The following SOS2 variants were observed in gnomAD, a reference collection of about 807,000 sequenced individuals.
SOS2 encodes the protein SOS Ras/Rho guanine nucleotide exchange factor 2.
In SOS2, 65 loss-of-function variants were observed where a neutral mutation model predicts 148.2. The observed-to-expected ratio is 0.44, with a 90% CI of 0.36 to 0.54. The LOEUF (loss-of-function observed/expected upper bound fraction) is 0.54, where lower values mean the gene tolerates loss of function less well. SOS2 is among the 20% of genes least tolerant of loss of function. The probability of loss-of-function intolerance (pLI) is 0.00; values close to 1 mark genes in which losing one functional copy is unlikely to be tolerated. For synonymous variants in SOS2, 539 were observed against 537.1 expected (o/e 1.00, Z -0.05); for missense variants, 1,341 against 1,590.2 (o/e 0.84, Z 2.67).
chr14:50,170,820 A>AC (rs1370611547), intron 8 of SOS2, among the ~76,000 whole-genome samples: 1,934 of 151,974 alleles, frequency 0.013, 40 homozygotes, highest in African/African-American at 0.043. Flanking sequence ...TTAAAAAAAA[A>AC]AAAAAAAACA....
intron 16 of SOS2, among the ~76,000 whole-genome samples, chr14:50,143,302 G>C (rs1884354687): frequency 6.7e-6 from 1 of 148,380 alleles, no homozygotes; most frequent in Admixed American, 6.8e-5. Context: ...CTCCAGCCTG[G>C]GTGACAGAGC....
At chr14:50,148,394 A>T (rs1356951768) in intron 14 of SOS2, among the ~76,000 whole-genome samples, 1 of 139,992 alleles carries the variant, frequency 7.1e-6, no homozygotes, top group East Asian at 2.1e-4. Context: ...TGGGTGACAG[A>T]GCAAGACACC....
chr14:50,160,186 A>G (rs553302912), intron 9 of SOS2, 100 bp from the exon 10 acceptor site: 1 of 875,942 alleles, frequency 1.1e-6, no homozygotes, highest in African/African-American at 1.8e-5. Flanking sequence ...TTAAATAACC[A>G]AACAGTAGCT....
intron 9 of SOS2, among the ~76,000 whole-genome samples, chr14:50,160,694 C>T (rs28574742): frequency 2.2e-3 from 337 of 152,196 alleles, no homozygotes; most frequent in Non-Finnish European, 3.9e-3. Context: ...GCCAACAATG[C>T]TAATCTTAAG....
In SOS2 at chr14:50,168,225, CAT is replaced by C. The variant is rs1885228856; in HGVS notation, c.1068+6227_1068+6228del. Among the ~76,000 whole-genome samples, 3 of 152,222 alleles carry C rather than the reference CAT, an allele frequency of 2.0e-5. No homozygotes were observed. In the South Asian group the frequency reaches 6.2e-4, roughly 32 times the overall value. ...CATGTCCTTAGTAAAAAAGGACAGA[CAT>C]AGATTATTTTCTGAGATAAGGTCTT... On this transcript the variant is annotated intron_variant, in intron 8 of 22. Transcript: ENST00000216373.
At chr14:50,206,294 T>C (rs1156264924) in intron 1 of SOS2, among the ~76,000 whole-genome samples, 2 of 152,228 alleles carry the variant, frequency 1.3e-5, no homozygotes, top group African/African-American at 4.8e-5. Context: ...TGGAATATTT[T>C]TGTAATCATC....
At chr14:50,145,978 A>G (rs1483678176) in intron 14 of SOS2, among the ~76,000 whole-genome samples, 3 of 151,880 alleles carry the variant, frequency 2.0e-5, no homozygotes, top group Non-Finnish European at 4.4e-5. Flanking sequence ...CTACTAAAAT[A>G]CAAAATTAGC....
At chr14:50,137,645 A>AC (rs1884127051) in intron 18 of SOS2, among the ~76,000 whole-genome samples, 1 of 152,116 alleles carries the variant, frequency 6.6e-6, no homozygotes, top group Admixed American at 6.5e-5. Context: ...CACAAGATCT[A>AC]AAATTTTTTT....
intron 6 of SOS2, among the ~76,000 whole-genome samples, chr14:50,182,245 G>C (rs1425215881): frequency 6.6e-6 from 1 of 151,632 alleles, no homozygotes; most frequent in Admixed American, 6.6e-5. Flanking sequence ...CTGTCGCCCA[G>C]GATGGAGTGC....
Position 50,154,194 on chromosome 14 carries a change from G to A in SOS2, c.2058-1021C>T, listed in dbSNP as rs897990779. Among the ~76,000 whole-genome samples, 3 of 152,234 alleles carry A rather than the reference G, an allele frequency of 2.0e-5. No homozygotes were observed. The South Asian group carries it at 6.2e-4, about 32-fold the overall frequency. On this transcript the variant is annotated intron_variant, in intron 12 of 22. Transcript: ENST00000216373. The stretch of plus-strand genomic sequence containing the variant: ...ATTTGCAAAATGTTTATCTGACAAA[G>A]GACTGGCATTCAGTCCTACCCAATT...
chr14:50,160,646 C>T (rs568561225), intron 9 of SOS2, among the ~76,000 whole-genome samples: 62 of 152,044 alleles, frequency 4.1e-4, no homozygotes, highest in African/African-American at 1.5e-3. Context: ...CTTGGACTCC[C>T]GAAGTGCTGG....
intron 12 of SOS2, among the ~76,000 whole-genome samples, chr14:50,153,481 T>C (rs1418964003): frequency 6.6e-6 from 1 of 152,222 alleles, no homozygotes; most frequent in Non-Finnish European, 1.5e-5. Context: ...AAACTTATGC[T>C]CTATATTACA....
chr14:50,138,321 T>A (rs949896973), intron 18 of SOS2, among the ~76,000 whole-genome samples: 5 of 151,914 alleles, frequency 3.3e-5, no homozygotes, highest in African/African-American at 1.2e-4. Flanking sequence ...CATGCCCAGC[T>A]AATTTTTTTT....
At chr14:50,214,505 A>T (rs1212485742) in intron 1 of SOS2, among the ~76,000 whole-genome samples, 2 of 152,114 alleles carry the variant, frequency 1.3e-5, no homozygotes, top group African/African-American at 4.8e-5. Flanking sequence ...CGACTTTTAA[A>T]AGACATTTTT....
intron 1 of SOS2, among the ~76,000 whole-genome samples, chr14:50,210,338 A>G (rs1362406890): frequency 6.6e-6 from 1 of 152,168 alleles, no homozygotes; most frequent in African/African-American, 2.4e-5. Context: ...GTGTTGAACC[A>G]CTGCAGAAAA....
intron 1 of SOS2, among the ~76,000 whole-genome samples, chr14:50,218,741 A>G (rs4898652): frequency 0.32 from 48,014 of 152,062 alleles, 8,793 homozygotes; most frequent in Non-Finnish European, 0.42. Context: ...AAGTATTGGC[A>G]GGAGGAACAG....
chr14:50,130,883 C>CTGAAGGA, intron 19 of SOS2, 121 bp from the exon 20 acceptor site: 1 of 753,588 alleles, frequency 1.3e-6, no homozygotes, highest in Non-Finnish European at 2.1e-6. Context: ...AGCGTGCAGT[C>CTGAAGGA]CTTCAGTCTG....
chr14:50,124,330 G>T (rs904441379), intron 21 of SOS2, among the ~76,000 whole-genome samples: 2 of 152,166 alleles, frequency 1.3e-5, no homozygotes, highest in Non-Finnish European at 2.9e-5. Context: ...TGAAGTGGAA[G>T]AAAAGACGAG....
rs1887317144 is a variant in SOS2, at chr14:50,224,821, G to A, written c.87+6376C>T. 1.4e-5 allele frequency among the ~76,000 whole-genome samples: 2 copies of A among 142,858 alleles called. 1 individual carries two copies. The highest frequency in any genetic ancestry group is 1.5e-4 in the Admixed American group (2 of 13,308). The allele number at this position is 142,858 out of a possible 152,430, so 93.7% of individuals were successfully genotyped here. A position where few individuals can be genotyped will look rare whatever the true frequency, so the allele number is the denominator to read the frequency against. On this transcript the variant is annotated intron_variant, in intron 1 of 22. Coordinates refer to ENST00000216373, the MANE Select transcript of SOS2 (RefSeq NM_006939.4). Reference sequence around the variant, plus strand: ...GGATCATTTGAGCCCAGGAGTTGGAGGCTGCAGTGAGCTATGATCATGCCA... The same window carrying A: ...GGATCATTTGAGCCCAGGAGTTGGAAGCTGCAGTGAGCTATGATCATGCCA...
Sources: gnomAD v4.1 joint callset for allele counts (sites outside exome capture counted in the v4.1 genomes callset) on GRCh38, gnomAD v4.1.1 for gene constraint, MANE v1.5 for transcripts, NCBI Gene and HGNC (gene_info 2026-07-23, HGNC 2026-07-21) for gene names.